CCL4L2: variants seen among roughly 807,000 people sequenced by gnomAD.
CCL4L2 encodes the protein C-C motif chemokine ligand 4 like 2, also known as C-C motif chemokine 4-like.
In CCL4L2, 3 loss-of-function variants were observed where a neutral mutation model predicts 5.9. The observed-to-expected ratio is 0.51, with a 90% CI of 0.23 to 1.32. CCL4L2 has a LOEUF of 1.32. Ranked by LOEUF, CCL4L2 falls within the 40% of genes most tolerant of loss-of-function variation. The pLI is 0.18. For missense variants in CCL4L2, 74 were observed against 121.2 expected, an observed-to-expected ratio of 0.61 and a Z score of 1.83; for synonymous variants, 36 against 47.6, an observed-to-expected ratio of 0.76 and a Z score of 1.00.
rs1418028944 is a variant in CCL4L2, at chr17:36,211,995, C to G, written c.191+105C>G. 27 of 1,297,684 alleles carry G rather than the reference C, an allele frequency of 2.1e-5. 4 individuals carry two copies. The highest frequency in any genetic ancestry group is 2.0e-4 in the Middle Eastern group (1 of 4,912). The allele number at this position is 1,297,684 out of a possible 1,614,324, so 80.4% of individuals were successfully genotyped here. On this transcript the variant is annotated intron_variant, in intron 2 of 2. Transcript: ENST00000617405. ...TGATGAGCGTTGGGGAGGCAGCTCT[C>G]AGGGCTGAAGCCTTCCCTGACAGCA... is the stretch of plus-strand genomic sequence containing the variant.
At position 36,212,498 on chromosome 17, in the gene CCL4L2, G is replaced by A. The variant is rs148800437; in HGVS notation, c.*75G>A. The A allele has an allele frequency of 4.1e-3, 6,440 of 1,581,230 alleles. 803 individuals carry two copies. The highest frequency in any genetic ancestry group is 9.7e-3 in the Middle Eastern group (55 of 5,652). ...GTTCTACGGATTCCAAACCAAAAGA[G>A]GCAAGCAAGTCTGCGCTGACCCCAG... On this transcript the variant is annotated 3_prime_UTR_variant, in exon 3 of 3. Coordinates refer to ENST00000617405, the MANE Select transcript of CCL4L2 (RefSeq NM_001291475.2).
At chr17:36,211,996 A>G in intron 2 of CCL4L2, 106 bp downstream of exon 2, 2 of 1,286,626 alleles carry the variant, frequency 1.6e-6, no homozygotes, top group Non-Finnish European at 2.2e-6. Context: ...GGCAGCTCTC[A>G]GGGCTGAAGC....
At position 36,212,079 on chromosome 17, in the gene CCL4L2, G is replaced by C. The variant is rs1447758340; in HGVS notation, c.191+189G>C. The C allele has an allele frequency of 5.0e-6, 4 of 795,656 alleles. 1 individual carries two copies. The East Asian group carries it at 1.0e-4, about 21-fold the overall frequency. The allele number at this position is 795,656 out of a possible 1,614,324, so 49.3% of individuals were successfully genotyped here. On this transcript the variant is annotated intron_variant, in intron 2 of 2. Coordinates refer to ENST00000617405, the MANE Select transcript of CCL4L2 (RefSeq NM_001291475.2). ...TGCTGAAGGCGGCTGAGTGGCAGCC[G>C]AGACAGAAGGGGGTTCCTGGGGAGG... is the stretch of plus-strand genomic sequence containing the variant.
chr17:36,212,229 A>G lies in CCL4L2; in HGVS notation c.192-74A>G, dbSNP rs1389859828. The G allele has an allele frequency of 7.0e-6, 5 of 717,096 alleles. 1 individual carries two copies. The highest frequency in any genetic ancestry group is 1.0e-5 in the Non-Finnish European group (4 of 393,126). The allele number at this position is 717,096 out of a possible 1,614,324, so 44.4% of individuals were successfully genotyped here. A position where few individuals can be genotyped will look rare whatever the true frequency, so the allele number is the denominator to read the frequency against. On this transcript the variant is annotated intron_variant, in intron 2 of 2. Coordinates refer to ENST00000617405, the MANE Select transcript of CCL4L2 (RefSeq NM_001291475.2). ...CTACCAGGCTGGCAGGGAATGGGGC[A>G]ATCTATTCATACTGATTGCAATGCC...
chr17:36,212,500 C>G lies in CCL4L2; in HGVS notation c.*77C>G. ...TCTACGGATTCCAAACCAAAAGAGG[C>G]AAGCAAGTCTGCGCTGACCCCAGTG... is the stretch of plus-strand genomic sequence containing the variant. On this transcript the variant is annotated 3_prime_UTR_variant, in exon 3 of 3. Transcript: ENST00000617405. 6.3e-7 allele frequency: 1 copy of G among 1,581,426 alleles called. No homozygotes were observed. Among genetic ancestry groups the G allele is most frequent in the Non-Finnish European group, 8.6e-7 (1 of 1,156,544 alleles).
chr17:36,212,134 AAGGCAGAC>A, intron 2 of CCL4L2: 1 of 702,236 alleles, frequency 1.4e-6, no homozygotes, highest in Non-Finnish European at 2.6e-6. Context: ...GAAGCAGGGG[AAGGCAGAC>A]AGGTCCCGTG....
chr17:36,212,486 C>G lies in CCL4L2; in HGVS notation c.*63C>G. The G allele has an allele frequency of 6.3e-7, 1 of 1,581,322 alleles. No homozygotes were observed. Among genetic ancestry groups the G allele is most frequent in the Non-Finnish European group, 8.6e-7 (1 of 1,156,472 alleles). On this transcript the variant is annotated 3_prime_UTR_variant, in exon 3 of 3. Transcript: ENST00000617405. The stretch of plus-strand genomic sequence containing the variant: ...TGTCTGCTCCTTGTTCTACGGATTC[C>G]AAACCAAAAGAGGCAAGCAAGTCTG...
At chr17:36,212,207 C>T (rs2068796150) in intron 2 of CCL4L2, 12 of 709,364 alleles carry the variant, frequency 1.7e-5, no homozygotes, top group Non-Finnish European at 1.8e-5. Context: ...AAAGTCACTA[C>T]CAGGCTGGCA....
Position 36,211,134 on chromosome 17 carries a change from C to T in CCL4L2, c.-8C>T, listed in dbSNP as rs1356859544. ...CACCTCTGAGAAAACCTCTTTGCCA[C>T]CAATACCATGAAGCTCTGCGTGACT... On this transcript the variant is annotated 5_prime_UTR_variant, in exon 1 of 3. Transcript: ENST00000617405. 3.8e-3 allele frequency: 6,017 copies of T among 1,580,894 alleles called. 734 individuals are homozygous for T. The highest frequency in any genetic ancestry group is 4.7e-3 in the Non-Finnish European group (5,378 of 1,156,174).
rs1431213139 is a variant in CCL4L2 at position 36,212,027 on chromosome 17, T to A, written c.191+137T>A. Reference sequence around the variant, plus strand: ...GAAGCCTTCCCTGACAGCAGTGAGGTCACAGGTCATGAACTCACTTTTCAA... The same window carrying A: ...GAAGCCTTCCCTGACAGCAGTGAGGACACAGGTCATGAACTCACTTTTCAA... On this transcript the variant is annotated intron_variant, in intron 2 of 2. Transcript: ENST00000617405. 38 of 1,065,362 alleles carry A rather than the reference T, an allele frequency of 3.6e-5. 2 individuals carry two copies. Among genetic ancestry groups the A allele is most frequent in the South Asian group, 1.9e-4 (14 of 75,506 alleles). The allele number at this position is 1,065,362 out of a possible 1,614,324, so 66.0% of individuals were successfully genotyped here.
At position 36,212,292 on chromosome 17, in the gene CCL4L2, G is replaced by A; in HGVS notation, c.192-11G>A. The stretch of plus-strand genomic sequence containing the variant: ...ATCTGGGCAACCCCTGGGGCCCACA[G>A]CTAAATCCAGTGAGTGGAAGTTACA... On this transcript the variant is annotated splice_polypyrimidine_tract_variant and intron_variant, in intron 2 of 2. Transcript: ENST00000617405. The A allele has an allele frequency of 5.8e-6, 5 of 865,110 alleles. No homozygotes were observed. In the Admixed American group the frequency reaches 6.0e-5, roughly 10 times the overall value. 53.6% of individuals were successfully genotyped at this position (865,110 alleles called of 1,614,324 possible).
chr17:36,211,335 G>T (rs1449036502), intron 1 of CCL4L2, 118 bp downstream of exon 1: 15 of 1,248,792 alleles, frequency 1.2e-5, no homozygotes, highest in Non-Finnish European at 1.8e-5. Context: ...TAGGAAGATT[G>T]CCATGTAGTC....
chr17:36,211,315 A>C, intron 1 of CCL4L2, 98 bp downstream of exon 1: 1 of 1,393,404 alleles, frequency 7.2e-7, no homozygotes, highest in Non-Finnish European at 1.0e-6. Context: ...GGGATGGGAC[A>C]AAAGGCAGCT....
chr17:36,212,766 C>G lies in CCL4L2; in HGVS notation c.*343C>G. ...ATTAGTTTAGCCAAAGGATAAGTGTCCCCTATGGGGATGGTCCACTCTCAC... is the reference window on the plus strand; with the variant it reads ...ATTAGTTTAGCCAAAGGATAAGTGTGCCCTATGGGGATGGTCCACTCTCAC... On this transcript the variant is annotated 3_prime_UTR_variant, in exon 3 of 3. Transcript: ENST00000617405. 11 of 736,994 alleles carry G rather than the reference C, an allele frequency of 1.5e-5. 1 individual carries two copies. The South Asian group carries it at 2.0e-4, about 13-fold the overall frequency. 45.7% of individuals were successfully genotyped at this position (736,994 alleles called of 1,614,324 possible). A position where few individuals can be genotyped will look rare whatever the true frequency, so the allele number is the denominator to read the frequency against.
At chr17:36,212,063 C>A in intron 2 of CCL4L2, 173 bp downstream of exon 2, 2 of 878,330 alleles carry the variant, frequency 2.3e-6, no homozygotes, top group Admixed American at 2.0e-5. Flanking sequence ...GTGCTGAAGG[C>A]GGCTGAGTGG....
chr17:36,211,427 A>G, intron 1 of CCL4L2: 2 of 780,168 alleles, frequency 2.6e-6, no homozygotes, highest in East Asian at 4.9e-5. Context: ...AGCAGAGGAA[A>G]ACGATGGGCT....
Position 36,212,585 on chromosome 17 carries a change from G to A in CCL4L2, c.*162G>A, listed in dbSNP as rs1201587928. ...ACTGAACTGAGCTGCTCAGAGACAG[G>A]AAGTCTTCAGGGAAGGTCACCTGAG... On this transcript the variant is annotated 3_prime_UTR_variant, in exon 3 of 3. Coordinates refer to ENST00000617405, the MANE Select transcript of CCL4L2 (RefSeq NM_001291475.2). 3 of 1,581,314 alleles carry A rather than the reference G, an allele frequency of 1.9e-6. No individual in the cohort carries two copies. In the African/African-American group the frequency reaches 4.0e-5, roughly 21 times the overall value.
Position 36,212,699 on chromosome 17 carries a change from A to G in CCL4L2, c.*276A>G, listed in dbSNP as rs1227367117. On this transcript the variant is annotated 3_prime_UTR_variant, in exon 3 of 3. Transcript: ENST00000617405. ...CTCTTCTCTTAATGTAATCTCTTTTATGTGCTGTATTATTGTATTAGGTGT... is the reference window on the plus strand; with the variant it reads ...CTCTTCTCTTAATGTAATCTCTTTTGTGTGCTGTATTATTGTATTAGGTGT... 2 of 1,108,090 alleles carry G rather than the reference A, an allele frequency of 1.8e-6. No homozygotes were observed. The highest frequency in any genetic ancestry group is 2.3e-5 in the East Asian group (1 of 43,036). 68.6% of individuals were successfully genotyped at this position (1,108,090 alleles called of 1,614,324 possible).
chr17:36,211,238 G>T, intron 1 of CCL4L2, 21 bp downstream of exon 1: 1 of 1,579,960 alleles, frequency 6.3e-7, no homozygotes, highest in Non-Finnish European at 8.7e-7. Flanking sequence ...TTTTGCAGCT[G>T]CTATTTCGAG....
Sources: allele counts gnomAD v4.1 joint callset, GRCh38; gene constraint gnomAD v4.1.1; transcripts MANE v1.5; gene names NCBI Gene and HGNC (gene_info 2026-07-23, HGNC 2026-07-21).